The following IFT122 variants were observed in gnomAD, a reference collection of about 807,000 sequenced individuals.
IFT122 encodes the protein intraflagellar transport protein 122 homolog.
A neutral mutation model predicts 161.6 loss-of-function variants in IFT122; 118 were observed. The observed-to-expected ratio is 0.73, with a 90% CI of 0.63 to 0.85. The LOEUF is 0.85. IFT122 is among the 40% of genes least tolerant of loss of function. The pLI is 0.00. For synonymous variants in IFT122, 550 were observed against 602.4 expected (o/e 0.91, Z 1.27); for missense variants, 1,381 against 1,579.6 (o/e 0.87, Z 2.13).
intron 1 of IFT122, among the ~76,000 whole-genome samples, chr3:129,447,725 C>T (rs6777036): frequency 0.13 from 20,199 of 152,196 alleles, 1,718 homozygotes; most frequent in South Asian, 0.24. Flanking sequence ...GTTGGTCAGG[C>T]TGGCCTCAAA....
intron 21 of IFT122, 141 bp from the exon 22 acceptor site, chr3:129,506,268 C>A: frequency 1.1e-6 from 1 of 914,522 alleles, no homozygotes; most frequent in Non-Finnish European, 1.8e-6. Flanking sequence ...AGCGCCATCC[C>A]AGCAACGAAG....
intron 15 of IFT122, among the ~76,000 whole-genome samples, chr3:129,487,260 A>G (rs980163583): frequency 6.6e-6 from 1 of 152,244 alleles, no homozygotes; most frequent in Non-Finnish European, 1.5e-5. Context: ...GCCCAACTCA[A>G]GACTCATTCT....
intron 18 of IFT122, among the ~76,000 whole-genome samples, chr3:129,496,802 A>AAAG (rs2080906734): frequency 6.6e-6 from 1 of 152,176 alleles, no homozygotes; most frequent in South Asian, 2.1e-4. Context: ...AGGCCCCACC[A>AAAG]AAGACACCTA....
Position 129,506,400 on chromosome 3 carries a change from C to T in IFT122, c.2651-9C>T, listed in dbSNP as rs200990665. 16 of 1,613,576 alleles carry T rather than the reference C, an allele frequency of 9.9e-6. No homozygotes were observed. The highest frequency in any genetic ancestry group is 1.4e-5 in the Non-Finnish European group (16 of 1,179,996). ...ATGTGCTTTTTTCCTCCCTCCACCA[C>T]TCCTACAGCGTTCCACAAGGCTGGG... is the stretch of plus-strand genomic sequence containing the variant. On this transcript the variant is annotated splice_polypyrimidine_tract_variant and intron_variant, in intron 21 of 29. Coordinates refer to ENST00000348417, the MANE Select transcript of IFT122 (RefSeq NM_052989.3).
At chr3:129,463,262 C>CCATT in intron 5 of IFT122, 1 of 333,518 alleles carries the variant, frequency 3.0e-6, no homozygotes, top group Non-Finnish European at 5.8e-6. Context: ...CAGCGTGACA[C>CCATT]AGAACTAAGC....
chr3:129,481,729 T>G (rs753292236), intron 14 of IFT122, 35 bp downstream of exon 14: 20 of 1,608,744 alleles, frequency 1.2e-5, no homozygotes, highest in Middle Eastern at 1.7e-4. Context: ...GACATCATCC[T>G]TTGATTAGAG....
At chr3:129,484,011 G>A (rs755510563) in intron 15 of IFT122, 2 of 417,184 alleles carry the variant, frequency 4.8e-6, no homozygotes, top group South Asian at 2.1e-5. Context: ...CAGCAAAGCC[G>A]GGAGTCCGGC....
At chr3:129,464,860 A>T (rs2076544928) in intron 7 of IFT122, 79 bp downstream of exon 7, 1 of 1,492,234 alleles carries the variant, frequency 6.7e-7, no homozygotes, top group African/African-American at 1.4e-5. Flanking sequence ...GTCTCCCTAC[A>T]TTCAAAGGCT....
rs185511420 is a variant in IFT122, at chr3:129,469,347, A to G, written c.746A>G (p.Glu249Gly). 5 of 1,613,838 alleles carry G rather than the reference A, an allele frequency of 3.1e-6. No individual in the cohort carries two copies. In the East Asian group the frequency reaches 1.1e-4, roughly 36 times the overall value. ...TTTTATCTTCTGTTGATTAGAGAGG[A>G]ACGTAATGACATCCTGGCTGTGGCT... ...DDSPRDDNLEERNDILAVADW... is the reference protein window; with the variant it reads ...DDSPRDDNLEGRNDILAVADW... The change falls in exon 9 of 30, where the codon GAA (glutamate) becomes GGA (glycine). Residue 249 changes from glutamate to glycine, a missense_variant. Physicochemically the swap from Glu to Gly is moderately conservative, Grantham distance 98. Around this residue, in one of 7 missense-constraint regions of IFT122, gnomAD observed 544 missense variants for 648.0 expected, o/e 0.84. Transcript: ENST00000348417.
rs2084406353 is a variant in IFT122, at chr3:129,519,116, T to C, written c.3401T>C (p.Ile1134Thr). 6.2e-7 allele frequency: 1 copy of C among 1,614,034 alleles called. No homozygotes were observed. ...QLEIANNSSQ[I>T]LRLVETKDSI... ...GACCAGATCCCTCCAGGCTCCCAGA[T>C]TCTGCGGCTAGTGGAGACCAAGGAC... The change falls in exon 28 of 30, where the codon ATT becomes ACT. Residue 1134 changes from isoleucine (I) to threonine (T), a missense_variant. Ile to Thr is a moderately conservative substitution (Grantham distance 89). Transcript: ENST00000348417.
Position 129,513,929 on chromosome 3 carries a change from G to C in IFT122, c.2988-460G>C, listed in dbSNP as rs112587287. 1.3e-3 allele frequency: 416 copies of C among 321,918 alleles called. 2 individuals carry two copies. Among genetic ancestry groups the C allele is most frequent in the African/African-American group, 8.3e-3 (385 of 46,264 alleles). 19.9% of individuals were successfully genotyped at this position (321,918 alleles called of 1,614,324 possible). On this transcript the variant is annotated intron_variant, in intron 24 of 29. Transcript: ENST00000348417. The stretch of plus-strand genomic sequence containing the variant: ...CTGCCCACCAGGCCCTCGGGGAAGG[G>C]TGTGCAGACAGAGTGGGGTACACCC...
chr3:129,506,911 A>G (rs561403287), intron 22 of IFT122, among the ~76,000 whole-genome samples: 44 of 152,352 alleles, frequency 2.9e-4, no homozygotes, highest in Non-Finnish European at 5.3e-4. Context: ...AACACACTCC[A>G]GATTCTTACT....
intron 7 of IFT122, 120 bp downstream of exon 7, chr3:129,464,901 A>G (rs2076550533): frequency 3.5e-6 from 4 of 1,136,082 alleles, no homozygotes; most frequent in African/African-American, 1.5e-5. Context: ...CTGTTTTAGA[A>G]CCTGTCCCAT....
intron 28 of IFT122, 125 bp downstream of exon 28, chr3:129,519,311 C>T (rs543855331): frequency 4.8e-6 from 5 of 1,037,200 alleles, no homozygotes; most frequent in East Asian, 2.5e-5. Context: ...TGTGGTGGCA[C>T]GAAGGAGGGG....
At chr3:129,479,700 C>T (rs916881298) in intron 12 of IFT122, 85 bp from the exon 13 acceptor site, 65 of 1,538,792 alleles carry the variant, frequency 4.2e-5, no homozygotes, top group Non-Finnish European at 4.9e-5. Flanking sequence ...TATTTTCTCC[C>T]CTTAGGGACA....
chr3:129,472,697 C>T (rs1056043237), intron 9 of IFT122, among the ~76,000 whole-genome samples: 6 of 151,624 alleles, frequency 4.0e-5, no homozygotes, highest in Non-Finnish European at 5.9e-5. Flanking sequence ...TCCTCTGGAA[C>T]TCTAATTACA....
chr3:129,452,688 T>G (rs1007560488), intron 3 of IFT122, among the ~76,000 whole-genome samples: 1 of 152,154 alleles, frequency 6.6e-6, no homozygotes, highest in Non-Finnish European at 1.5e-5. Flanking sequence ...CATAAAGATT[T>G]TGATTCTCAG....
rs185739984 is a variant in IFT122, at chr3:129,465,434, T to C, written c.563+653T>C. On this transcript the variant is annotated intron_variant, in intron 7 of 29. Coordinates refer to ENST00000348417, the MANE Select transcript of IFT122 (RefSeq NM_052989.3). ...ATACACACTTTGCTTTCTATGTCCA[T>C]GTGACTTTGAGAGTAAACTAATTAT... 5.9e-5 allele frequency among the ~76,000 whole-genome samples: 9 copies of C among 151,794 alleles called. No homozygotes were observed. The East Asian group carries it at 9.7e-4, about 16-fold the overall frequency.
intron 25 of IFT122, 98 bp downstream of exon 25, chr3:129,514,652 C>A: frequency 7.4e-7 from 1 of 1,360,180 alleles, no homozygotes; most frequent in Non-Finnish European, 1.0e-6. Flanking sequence ...AGAGAGACAG[C>A]TGCAGCTCCC....
Sources: gnomAD v4.1 joint callset for allele counts (sites outside exome capture counted in the v4.1 genomes callset) on GRCh38, gnomAD v4.1.1 for gene constraint, gnomAD v4.1.1 regional missense constraint, MANE v1.5 for transcripts, NCBI Gene and HGNC (gene_info 2026-07-23, HGNC 2026-07-21) for gene names.